HIP1: variants seen among roughly 807,000 people sequenced by gnomAD.
The protein encoded by HIP1 is huntingtin-interacting protein 1.
In HIP1, 65 loss-of-function variants were observed where a neutral mutation model predicts 147.6. That is an observed-to-expected ratio of 0.44 (90% confidence interval 0.36 to 0.54). The LOEUF is 0.54. Ranked by LOEUF, HIP1 falls within the 20% of genes least tolerant of loss-of-function variation. The probability of loss-of-function intolerance (pLI) is 0.00; values close to 1 mark genes in which losing one functional copy is unlikely to be tolerated. For missense variants in HIP1, 1,061 were observed against 1,299.6 expected (o/e 0.82, Z 2.82); for synonymous variants, 479 against 504.0 (o/e 0.95, Z 0.67).
At chr7:75,594,667 G>A (rs587769085) in intron 2 of HIP1, among the ~76,000 whole-genome samples, 103 of 151,728 alleles carry the variant, frequency 6.8e-4, no homozygotes, top group African/African-American at 2.4e-3. Context: ...CCACCTACTC[G>A]GGAGGCTGAG....
intron 22 of HIP1, among the ~76,000 whole-genome samples, chr7:75,549,367 CTTTTCT>C (rs1794693717): frequency 1.5e-5 from 2 of 134,196 alleles, no homozygotes; most frequent in African/African-American, 5.6e-5. Context: ...TCTTTCTTTT[CTTTTCT>C]TTTTTTTTTT....
rs367789360 is a variant in HIP1 at position 75,670,581 on chromosome 7, C to T, written c.120+68220G>A. Among the ~76,000 whole-genome samples the T allele has an allele frequency of 2.2e-3, 341 of 152,050 alleles. 1 individual carries two copies. Among genetic ancestry groups the T allele is most frequent in the African/African-American group, 6.3e-3 (261 of 41,474 alleles). On this transcript the variant is annotated intron_variant, in intron 1 of 30. Transcript: ENST00000336926. Reference sequence around the variant, plus strand: ...ACGGTCCCCATTAAACATAATTCCCCATTCTCCCCTCTCCCCAGCCCCTAG... The same window carrying T: ...ACGGTCCCCATTAAACATAATTCCCTATTCTCCCCTCTCCCCAGCCCCTAG...
rs141125287 is a variant in HIP1, at chr7:75,705,033, A to C, written c.120+33768T>G. The stretch of plus-strand genomic sequence containing the variant: ...TGTGGTAAAATACACGTAATATAAA[A>C]TTTACCATCTGAACCATTTTTAAGT... On this transcript the variant is annotated intron_variant, in intron 1 of 30. Coordinates refer to ENST00000336926, the MANE Select transcript of HIP1 (RefSeq NM_005338.7). Among the ~76,000 whole-genome samples, 268 of 152,312 alleles carry C rather than the reference A, an allele frequency of 1.8e-3. 2 individuals are homozygous for C. Among genetic ancestry groups the C allele is most frequent in the African/African-American group, 6.1e-3 (254 of 41,568 alleles).
At chr7:75,647,823 G>A (rs1209993038) in intron 1 of HIP1, among the ~76,000 whole-genome samples, 5 of 152,252 alleles carry the variant, frequency 3.3e-5, no homozygotes, top group Admixed American at 3.3e-4. Context: ...AAGATCATGG[G>A]TGCAGTGTGC....
At chr7:75,715,774 C>CA (rs34769081) in intron 1 of HIP1, among the ~76,000 whole-genome samples, 13,385 of 36,538 alleles carry the variant, frequency 0.37, 3,445 homozygotes, top group Non-Finnish European at 0.43. Context: ...GATCCTGTCT[C>CA]AAAAAAAAAA....
intron 1 of HIP1, among the ~76,000 whole-genome samples, chr7:75,605,960 C>T (rs1246701530): frequency 6.6e-6 from 1 of 152,140 alleles, no homozygotes; most frequent in African/African-American, 2.4e-5. Flanking sequence ...GGCAATCCTC[C>T]CACCTCAGCT....
At position 75,694,080 on chromosome 7, in the gene HIP1, C is replaced by T. The variant is rs374799386; in HGVS notation, c.120+44721G>A. Among the ~76,000 whole-genome samples, 9 of 151,894 alleles carry T rather than the reference C, an allele frequency of 5.9e-5. 1 individual carries two copies. The South Asian group carries it at 1.5e-3, about 25-fold the overall frequency. ...GATTACAGGCACGTGCCACCACACC[C>T]GGCTAATTTTTATATTTTTGGTAGA... is the stretch of plus-strand genomic sequence containing the variant. On this transcript the variant is annotated intron_variant, in intron 1 of 30. Transcript: ENST00000336926.
At chr7:75,719,712 G>A (rs182654111) in intron 1 of HIP1, among the ~76,000 whole-genome samples, 2 of 151,936 alleles carry the variant, frequency 1.3e-5, no homozygotes, top group East Asian at 1.9e-4. Context: ...GAGCCACCAC[G>A]CCTGGCCCTC....
chr7:75,657,018 G>T (rs1014887868), intron 1 of HIP1, among the ~76,000 whole-genome samples: 1 of 152,214 alleles, frequency 6.6e-6, no homozygotes, highest in Non-Finnish European at 1.5e-5. Context: ...CAACTTGAAT[G>T]TTCCAGCAAT....
At chr7:75,660,971 A>G (rs782718903) in intron 1 of HIP1, among the ~76,000 whole-genome samples, 2 of 152,070 alleles carry the variant, frequency 1.3e-5, no homozygotes, top group Non-Finnish European at 2.9e-5. Context: ...CACTGCAGGC[A>G]GCAAAAAAAA....
At chr7:75,617,588 T>C (rs1384390356) in intron 1 of HIP1, among the ~76,000 whole-genome samples, 1 of 152,098 alleles carries the variant, frequency 6.6e-6, no homozygotes, top group African/African-American at 2.4e-5. Context: ...CCTCCCTCCA[T>C]AAGAGAACAT....
At chr7:75,567,782 G>A (rs904316961) in intron 9 of HIP1, among the ~76,000 whole-genome samples, 9 of 152,108 alleles carry the variant, frequency 5.9e-5, no homozygotes, top group Non-Finnish European at 1.0e-4. Context: ...ACTCCAGCCC[G>A]AAGATAACCT....
chr7:75,718,615 A>G (rs551177541), intron 1 of HIP1, among the ~76,000 whole-genome samples: 271 of 152,318 alleles, frequency 1.8e-3, no homozygotes, highest in African/African-American at 6.3e-3. Flanking sequence ...TTCCTGGCCT[A>G]TCTCTACCCT....
intron 4 of HIP1, among the ~76,000 whole-genome samples, chr7:75,590,425 A>C (rs587761215): frequency 7.9e-5 from 12 of 152,330 alleles, no homozygotes; most frequent in African/African-American, 2.6e-4. Flanking sequence ...TGAGGAAAAA[A>C]CAGAATGAGA....
chr7:75,676,550 G>T (rs1554516045), intron 1 of HIP1, among the ~76,000 whole-genome samples: 1 of 151,926 alleles, frequency 6.6e-6, no homozygotes, highest in Admixed American at 6.6e-5. Context: ...GCTGAGGCGG[G>T]CAGATCACCT....
intron 2 of HIP1, among the ~76,000 whole-genome samples, 170 bp from the exon 3 acceptor site, chr7:75,592,684 A>T (rs1796544921): frequency 6.6e-6 from 1 of 152,128 alleles, no homozygotes; most frequent in African/African-American, 2.4e-5. Context: ...ACTGCAGGGG[A>T]CCGAGCAGTA....
At chr7:75,610,403 G>T (rs73370123) in intron 1 of HIP1, among the ~76,000 whole-genome samples, 7,797 of 151,458 alleles carry the variant, frequency 0.051, 422 homozygotes, top group African/African-American at 0.14. Context: ...GTAGAGATGG[G>T]GTCTCCCTGT....
At chr7:75,652,896 C>A (rs979614835) in intron 1 of HIP1, among the ~76,000 whole-genome samples, 6 of 151,986 alleles carry the variant, frequency 3.9e-5, no homozygotes, top group East Asian at 1.9e-4. Context: ...AGGGCAATAC[C>A]CACTCTTGAG....
chr7:75,637,990 C>CACACACACATA (rs1563261764), intron 1 of HIP1, among the ~76,000 whole-genome samples: 1 of 43,550 alleles, frequency 2.3e-5, no homozygotes, highest in African/African-American at 8.3e-5. Flanking sequence ...CCCCCCCCCC[C>CACACACACATA]CCCACACACA....
Sources: allele counts gnomAD v4.1 joint callset (sites outside exome capture counted in the v4.1 genomes callset), GRCh38; gene constraint gnomAD v4.1.1; transcripts MANE v1.5; gene names NCBI Gene and HGNC (gene_info 2026-07-23, HGNC 2026-07-21).